The following NEK6 variants were observed in gnomAD, a reference collection of about 807,000 sequenced individuals.
NEK6 encodes the protein serine/threonine-protein kinase Nek6.
NEK6 carries 27 observed loss-of-function variants against 43.5 expected under a neutral mutation model. The ratio of observed to expected loss-of-function variants is 0.62; its 90% confidence interval spans 0.46 to 0.86. The LOEUF is 0.86. Among genes scored for constraint, NEK6 ranks in the 40% least tolerant of loss-of-function variants. NEK6 has a pLI of 0.00. For synonymous variants in NEK6, 167 were observed against 164.1 expected, an observed-to-expected ratio of 1.02 and a Z score of -0.14; for missense variants, 318 against 414.4, an observed-to-expected ratio of 0.77 and a Z score of 2.02.
intron 1 of NEK6, among the ~76,000 whole-genome samples, chr9:124,294,470 C>T (rs115627363): frequency 0.018 from 2,746 of 148,494 alleles, 83 homozygotes; most frequent in African/African-American, 0.064. Context: ...CAAGCCTGGG[C>T]GACAAAGCAA....
chr9:124,314,044 C>A, intron 4 of NEK6, 59 bp downstream of exon 4: 1 of 1,494,214 alleles, frequency 6.7e-7, no homozygotes, highest in Non-Finnish European at 9.3e-7. Context: ...GGGGCCGCGG[C>A]TGGGCCACAT....
intron 2 of NEK6, among the ~76,000 whole-genome samples, chr9:124,309,034 C>T (rs1282140589): frequency 1.3e-5 from 2 of 152,180 alleles, no homozygotes; most frequent in South Asian, 2.1e-4. Context: ...CCCCCAGGTG[C>T]ACCAGGGCCA....
intron 1 of NEK6, chr9:124,265,702 C>A (rs764441487): frequency 3.9e-5 from 6 of 152,270 alleles, no homozygotes; most frequent in Admixed American, 6.5e-5. Flanking sequence ...GGTTGTGACA[C>A]CTGGGCCTGG....
intron 1 of NEK6, among the ~76,000 whole-genome samples, chr9:124,299,773 C>T (rs1164210158): frequency 6.6e-6 from 1 of 152,100 alleles, no homozygotes; most frequent in African/African-American, 2.4e-5. Context: ...AACAAGAGAC[C>T]TACTGACTGA....
chr9:124,294,630 G>A (rs1045947483), intron 1 of NEK6, among the ~76,000 whole-genome samples: 1 of 152,176 alleles, frequency 6.6e-6, no homozygotes, highest in Admixed American at 6.5e-5. Flanking sequence ...AAGGACCAGG[G>A]TGCTGTGTTG....
intron 1 of NEK6, chr9:124,299,955 C>T (rs1423971126): frequency 6.6e-6 from 1 of 152,170 alleles, no homozygotes; most frequent in Non-Finnish European, 1.5e-5. Context: ...CCATACCATC[C>T]ACTTCCCTGC....
intron 5 of NEK6, among the ~76,000 whole-genome samples, chr9:124,323,865 T>G (rs958648031): frequency 6.6e-6 from 1 of 152,118 alleles, no homozygotes; most frequent in African/African-American, 2.4e-5. Flanking sequence ...ACCCCTTCCT[T>G]GGCTTCACCA....
intron 5 of NEK6, 117 bp downstream of exon 5, chr9:124,321,686 G>A: frequency 1.5e-6 from 1 of 681,326 alleles, no homozygotes; most frequent in Non-Finnish European, 2.5e-6. Flanking sequence ...CGGCCACCCG[G>A]GGACCCTGGG....
At chr9:124,320,272 G>C (rs1273385126) in intron 4 of NEK6, among the ~76,000 whole-genome samples, 1 of 152,236 alleles carries the variant, frequency 6.6e-6, no homozygotes, top group Non-Finnish European at 1.5e-5. Flanking sequence ...GTGAGAGGAT[G>C]GACGCATGGG....
chr9:124,348,077 T>A (rs1362084595), intron 9 of NEK6, among the ~76,000 whole-genome samples: 1 of 152,232 alleles, frequency 6.6e-6, no homozygotes, highest in Non-Finnish European at 1.5e-5. Context: ...CATCTCCACC[T>A]GTTCAGCTCC....
chr9:124,303,211 A>G (rs1009224571), intron 2 of NEK6, among the ~76,000 whole-genome samples: 6 of 152,134 alleles, frequency 3.9e-5, no homozygotes, highest in African/African-American at 1.4e-4. Flanking sequence ...GAATGATGAA[A>G]AGTTCTCTTA....
rs1000996640 is a variant in NEK6, at chr9:124,324,628, A to T, written c.406-1702A>T. On this transcript the variant is annotated intron_variant, in intron 5 of 9. Transcript: ENST00000320246. The surrounding 1 kb of genome is among the most constrained non-coding windows in gnomAD (Gnocchi z 5.3). ...GAATAACATCCCGGCCTGGCCCGCC[A>T]CAGGCCTGGAGGTGGCCTGGGGGTG... is the stretch of plus-strand genomic sequence containing the variant. Among the ~76,000 whole-genome samples the T allele has an allele frequency of 1.3e-5, 2 of 152,108 alleles. No homozygotes were observed. The highest frequency in any genetic ancestry group is 4.1e-4 in the South Asian group (2 of 4,824).
chr9:124,350,232 T>C (rs1830181451), intron 9 of NEK6, among the ~76,000 whole-genome samples: 1 of 152,230 alleles, frequency 6.6e-6, no homozygotes, highest in Admixed American at 6.5e-5. Flanking sequence ...CATTTTAAGG[T>C]CATTATTTTA....
In NEK6 at chr9:124,352,122, T is replaced by G. The variant is rs986657612; in HGVS notation, c.*1175T>G. On this transcript the variant is annotated 3_prime_UTR_variant, in exon 10 of 10. Coordinates refer to ENST00000320246, the MANE Select transcript of NEK6 (RefSeq NM_014397.6). ...TGAAGGAAATCATTTGAATTTTGTT[T>G]TTGTACGTAAAGTTAACCTTCCAAT... The G allele has an allele frequency of 6.5e-6, 1 of 152,686 alleles. No homozygotes were observed. Among genetic ancestry groups the G allele is most frequent in the African/African-American group, 2.4e-5 (1 of 41,464 alleles). 9.5% of individuals were successfully genotyped at this position (152,686 alleles called of 1,614,324 possible).
At chr9:124,258,596 G>C (rs888269500) in intron 1 of NEK6, among the ~76,000 whole-genome samples, 39 of 152,218 alleles carry the variant, frequency 2.6e-4, no homozygotes, top group Admixed American at 2.2e-3. Context: ...CCGTGCGAGC[G>C]TGTTTATTAC....
In NEK6 at chr9:124,326,739, G is replaced by A. The variant is rs1003338063; in HGVS notation, c.514+301G>A. Among the ~76,000 whole-genome samples, 1 of 152,196 alleles carries A rather than the reference G, an allele frequency of 6.6e-6. No homozygotes were observed. The highest frequency in any genetic ancestry group is 2.4e-5 in the African/African-American group (1 of 41,458). ...GCCTCGCACAGAGGGGACTTTCATG[G>A]GGGCTTTGCCGTCTCAGCGGGCTGG... is the stretch of plus-strand genomic sequence containing the variant. On this transcript the variant is annotated intron_variant, in intron 6 of 9. Transcript: ENST00000320246. The surrounding 1 kb of genome is among the most constrained non-coding windows in gnomAD (Gnocchi z 4.5).
intron 2 of NEK6, among the ~76,000 whole-genome samples, chr9:124,308,756 C>G (rs1833391920): frequency 6.6e-6 from 1 of 152,064 alleles, no homozygotes; most frequent in South Asian, 2.1e-4. Flanking sequence ...GCGCACTGTT[C>G]TGGGGCCAGC....
At chr9:124,295,357 G>T (rs1291807813) in intron 1 of NEK6, among the ~76,000 whole-genome samples, 2 of 152,222 alleles carry the variant, frequency 1.3e-5, no homozygotes, top group Non-Finnish European at 2.9e-5. Flanking sequence ...TCTGGCCTGA[G>T]ATCGGGCTGC....
In NEK6 at chr9:124,351,001, C is replaced by CTCCTCCCCAGTGGGAGGA; in HGVS notation, c.*54_*55insTCCTCCCCAGTGGGAGGA. On this transcript the variant is annotated 3_prime_UTR_variant, in exon 10 of 10. Coordinates refer to ENST00000320246, the MANE Select transcript of NEK6 (RefSeq NM_014397.6). ...CAGCACCACTTTGCCTTACTTGAGT[C>CTCCTCCCCAGTGGGAGGA]GTCTTCTCTTCGAGTGGCCACCTGG... 1 of 1,333,594 alleles carries CTCCTCCCCAGTGGGAGGA rather than the reference C, an allele frequency of 7.5e-7. No homozygotes were observed. The highest frequency in any genetic ancestry group is 1.1e-6 in the Non-Finnish European group (1 of 942,158). The allele number at this position is 1,333,594 out of a possible 1,614,324, so 82.6% of individuals were successfully genotyped here.
Sources: allele counts gnomAD v4.1 joint callset (sites outside exome capture counted in the v4.1 genomes callset), GRCh38; gene constraint gnomAD v4.1.1; non-coding constraint Gnocchi (gnomAD v3.1); transcripts MANE v1.5; gene names NCBI Gene and HGNC (gene_info 2026-07-23, HGNC 2026-07-21).